Variants in TCF7L2 observed in about 807,000 individuals in gnomAD.
TCF7L2 encodes transcription factor 7 like 2, also known as transcription factor 7-like 2.
A neutral mutation model predicts 77.9 loss-of-function variants in TCF7L2; 23 were observed. That is an observed-to-expected ratio of 0.30 (90% CI 0.21 to 0.42). The LOEUF (loss-of-function observed/expected upper bound fraction) is 0.42, where lower values mean the gene tolerates loss of function less well. TCF7L2 is among the 10% of genes least tolerant of loss of function. TCF7L2 has a pLI of 1.00. For synonymous variants in TCF7L2, 413 were observed against 340.2 expected (o/e 1.21, Z -2.36); for missense variants, 654 against 793.1 (o/e 0.82, Z 2.11).
chr10:113,145,312 G>A (rs923976254), intron 7 of TCF7L2, among the ~76,000 whole-genome samples: 2 of 152,038 alleles, frequency 1.3e-5, no homozygotes, highest in Admixed American at 6.6e-5. Flanking sequence ...TGCCCCATTC[G>A]GCTGATGGGG....
chr10:113,105,369 C>G (rs1447627976), intron 5 of TCF7L2, among the ~76,000 whole-genome samples: 1 of 152,148 alleles, frequency 6.6e-6, no homozygotes, highest in Admixed American at 6.5e-5. Flanking sequence ...GGGAAGAAAT[C>G]ACCTTGAGAG....
At chr10:113,002,072 G>A (rs995245768) in intron 4 of TCF7L2, among the ~76,000 whole-genome samples, 1 of 152,142 alleles carries the variant, frequency 6.6e-6, no homozygotes, top group African/African-American at 2.4e-5. Flanking sequence ...TGGGATGACA[G>A]GTTTCATCCC....
chr10:113,005,337 C>T (rs1337513715), intron 4 of TCF7L2, among the ~76,000 whole-genome samples: 1 of 152,198 alleles, frequency 6.6e-6, no homozygotes, highest in African/African-American at 2.4e-5. Flanking sequence ...GAGGTGGGTC[C>T]TTCTCTGCTG....
intron 4 of TCF7L2, among the ~76,000 whole-genome samples, chr10:112,999,089 C>T (rs2133297800): frequency 6.6e-6 from 1 of 152,322 alleles, no homozygotes; most frequent in South Asian, 2.1e-4. Context: ...CAATCATAGC[C>T]CACTGCAGCC....
At position 113,001,445 on chromosome 10, in the gene TCF7L2, GTGGC is replaced by G. The variant is rs1382082664; in HGVS notation, c.450+36833_450+36836del. Among the ~76,000 whole-genome samples, 4 of 152,152 alleles carry G rather than the reference GTGGC, an allele frequency of 2.6e-5. No homozygotes were observed. The East Asian group carries it at 5.8e-4, about 22-fold the overall frequency. Reference sequence around the variant, plus strand: ...AGCTGGTAGGTTGGTTCTCAGAGAAGTGGCTGGCTGGCTGGGTTACGGAGCCCAC... The same window carrying G: ...AGCTGGTAGGTTGGTTCTCAGAGAAGTGGCTGGCTGGGTTACGGAGCCCAC... On this transcript the variant is annotated intron_variant, in intron 4 of 13. Coordinates refer to ENST00000627217, the MANE Select transcript of TCF7L2 (RefSeq NM_001146274.2).
intron 4 of TCF7L2, among the ~76,000 whole-genome samples, chr10:113,003,213 C>A (rs890234922): frequency 1.3e-5 from 2 of 152,218 alleles, no homozygotes; most frequent in Non-Finnish European, 2.9e-5. Flanking sequence ...TCCAACTCCC[C>A]CCACCTCCCA....
At chr10:113,039,564 G>A (rs775573559) in intron 4 of TCF7L2, among the ~76,000 whole-genome samples, 1 of 152,170 alleles carries the variant, frequency 6.6e-6, no homozygotes, top group Admixed American at 6.5e-5. Flanking sequence ...TTAAAGTGAA[G>A]GATGATGACA....
chr10:113,156,999 C>G (rs2072046283), intron 11 of TCF7L2, among the ~76,000 whole-genome samples: 1 of 152,230 alleles, frequency 6.6e-6, no homozygotes, highest in Non-Finnish European at 1.5e-5. Context: ...GGCATATGCT[C>G]AACACATGTG....
chr10:113,143,247 G>C (rs1177896162), intron 6 of TCF7L2, among the ~76,000 whole-genome samples: 1 of 152,236 alleles, frequency 6.6e-6, no homozygotes, highest in East Asian at 1.9e-4. Context: ...CCATTCAGCA[G>C]GTGGGCTTAA....
intron 4 of TCF7L2, among the ~76,000 whole-genome samples, chr10:113,017,443 G>A (rs1225816801): frequency 6.6e-6 from 1 of 152,214 alleles, no homozygotes; most frequent in Admixed American, 6.5e-5. Context: ...CTTTTCACCT[G>A]CCCATGCCGT....
chr10:113,100,366 A>C (rs1476300985), intron 5 of TCF7L2, among the ~76,000 whole-genome samples: 1 of 152,160 alleles, frequency 6.6e-6, no homozygotes, highest in Non-Finnish European at 1.5e-5. Context: ...ATTCTCTCGA[A>C]TCTGCCTTTA....
intron 3 of TCF7L2, among the ~76,000 whole-genome samples, chr10:112,955,839 G>A (rs2104598): frequency 0.55 from 83,233 of 151,308 alleles, 22,966 homozygotes; most frequent in African/African-American, 0.64. Flanking sequence ...GCACGCCATT[G>A]AAAAAAATAT....
rs373186426 is a variant in TCF7L2, at chr10:113,076,021, A to G, written c.552+35895A>G. ...CGTGGTGGCACGTGCCTGTAATCCC[A>G]GCTACTGGGGAGGCTGAGGCAGGAG... On this transcript the variant is annotated intron_variant, in intron 5 of 13. Coordinates refer to ENST00000627217, the MANE Select transcript of TCF7L2 (RefSeq NM_001146274.2). Among the ~76,000 whole-genome samples the G allele has an allele frequency of 1.0e-3, 153 of 151,680 alleles. 1 individual carries two copies. The highest frequency in any genetic ancestry group is 3.6e-3 in the African/African-American group (148 of 41,386).
At chr10:113,150,340 C>A (rs1213696137) in intron 8 of TCF7L2, among the ~76,000 whole-genome samples, 1 of 148,624 alleles carries the variant, frequency 6.7e-6, no homozygotes. Context: ...TTGCATCTTT[C>A]CATAAAGGGA....
chr10:113,078,932 A>C (rs2059022478), intron 5 of TCF7L2, among the ~76,000 whole-genome samples: 1 of 151,814 alleles, frequency 6.6e-6, no homozygotes, highest in African/African-American at 2.4e-5. Context: ...TCCTGGGTTC[A>C]AGTGATTCTC....
chr10:112,952,075 G>C (rs1417007782), intron 3 of TCF7L2, among the ~76,000 whole-genome samples: 1 of 152,010 alleles, frequency 6.6e-6, no homozygotes, highest in African/African-American at 2.4e-5. Flanking sequence ...TTAACCCCTT[G>C]GCTGCCGCTG....
chr10:113,119,973 G>C (rs1004019868), intron 5 of TCF7L2, among the ~76,000 whole-genome samples: 36 of 152,290 alleles, frequency 2.4e-4, no homozygotes, highest in Admixed American at 2.3e-3. Flanking sequence ...CACGGGCAGT[G>C]ATCAGTTAGC....
At chr10:113,008,012 G>A (rs4132670) in intron 4 of TCF7L2, among the ~76,000 whole-genome samples, 58,561 of 152,126 alleles carry the variant, frequency 0.38, 13,541 homozygotes, top group African/African-American at 0.64. Context: ...ACATAGCAGC[G>A]ATGAGAGGGC....
At chr10:113,008,187 G>A (rs554944791) in intron 4 of TCF7L2, among the ~76,000 whole-genome samples, 2 of 152,242 alleles carry the variant, frequency 1.3e-5, no homozygotes, top group Non-Finnish European at 2.9e-5. Flanking sequence ...CCAAAGCTCT[G>A]TATGAGAGGT....
Sources: gnomAD v4.1 joint callset for allele counts (sites outside exome capture counted in the v4.1 genomes callset) on GRCh38, gnomAD v4.1.1 for gene constraint, MANE v1.5 for transcripts, NCBI Gene and HGNC (gene_info 2026-07-23, HGNC 2026-07-21) for gene names.